DCP1B: variants seen among roughly 807,000 people sequenced by gnomAD.
DCP1B encodes the protein mRNA-decapping enzyme 1B.
A neutral mutation model predicts 60.5 loss-of-function variants in DCP1B; 47 were observed. The ratio of observed to expected loss-of-function variants is 0.78; its 90% confidence interval spans 0.61 to 0.99. The LOEUF is 0.99. DCP1B is among the 50% of genes least tolerant of loss of function. DCP1B has a pLI of 0.00. For synonymous variants in DCP1B, 267 were observed against 280.3 expected, an observed-to-expected ratio of 0.95 and a Z score of 0.47; for missense variants, 725 against 756.8, an observed-to-expected ratio of 0.96 and a Z score of 0.49.
intron 3 of DCP1B, among the ~76,000 whole-genome samples, chr12:1,980,079 C>G (rs982795282): frequency 6.6e-6 from 1 of 152,108 alleles, no homozygotes; most frequent in Non-Finnish European, 1.5e-5. Context: ...CTAAACAAAC[C>G]CATACACTAT....
At chr12:1,947,604 T>C (rs549900599) in intron 8 of DCP1B, among the ~76,000 whole-genome samples, 1 of 152,134 alleles carries the variant, frequency 6.6e-6, no homozygotes, top group Non-Finnish European at 1.5e-5. Context: ...CCAGAAAACA[T>C]ATGGATCTTT....
At chr12:1,955,135 G>C (rs1193825753) in intron 6 of DCP1B, among the ~76,000 whole-genome samples, 1 of 152,144 alleles carries the variant, frequency 6.6e-6, no homozygotes, top group Non-Finnish European at 1.5e-5. Context: ...GGGATTACAG[G>C]CTTGAGCCAC....
intron 7 of DCP1B, 54 bp downstream of exon 7, chr12:1,952,362 A>G: frequency 2.7e-6 from 4 of 1,456,482 alleles, no homozygotes; most frequent in Non-Finnish European, 3.6e-6. Context: ...TTTTAGGGAC[A>G]GGATCTTGCT....
chr12:1,992,067 G>T, intron 3 of DCP1B: 1 of 365,674 alleles, frequency 2.7e-6, no homozygotes, highest in South Asian at 2.7e-5. Context: ...GAGAAGGAAA[G>T]GGTCCTGGAG....
At chr12:1,997,076 G>A (rs1436895323) in intron 2 of DCP1B, among the ~76,000 whole-genome samples, 3 of 151,684 alleles carry the variant, frequency 2.0e-5, no homozygotes, top group African/African-American at 7.3e-5. Flanking sequence ...GTCTCTATAT[G>A]CACTCGTAAT....
intron 3 of DCP1B, among the ~76,000 whole-genome samples, chr12:1,972,348 T>C (rs1052342938): frequency 6.6e-6 from 1 of 152,258 alleles, no homozygotes; most frequent in African/African-American, 2.4e-5. Context: ...TCAAATATAA[T>C]GTTTCTTGAT....
chr12:1,955,492 G>A lies in DCP1B; in HGVS notation c.591C>T (p.Ile197=), dbSNP rs776465460. ...SSAIYDNPNL[I]KPIPVKPSEN... is the part of the protein sequence containing the mutation. ...CACTGGGTTTCACTGGAATTGGTTTGATGAGATTTGGATTGTCATAGATGG... is the reference window on the plus strand; with the variant it reads ...CACTGGGTTTCACTGGAATTGGTTTAATGAGATTTGGATTGTCATAGATGG... Residue 197 remains isoleucine (I), a synonymous_variant, in exon 6 of 9, where the codon ATC becomes ATT. Transcript: ENST00000280665. 1.9e-6 allele frequency: 3 copies of A among 1,613,940 alleles called. No homozygotes were observed. Among genetic ancestry groups the A allele is most frequent in the South Asian group, 1.1e-5 (1 of 91,070 alleles).
chr12:1,959,817 G>A (rs557854464), intron 5 of DCP1B, among the ~76,000 whole-genome samples: 2 of 152,072 alleles, frequency 1.3e-5, no homozygotes, highest in Non-Finnish European at 2.9e-5. Flanking sequence ...AAAATTATCC[G>A]GGCATGGTGG....
rs555646629 is a variant in DCP1B, at chr12:2,004,154, C to A, written c.150+128G>T. Reference sequence around the variant, plus strand: ...CCATCTCCACAACTTCGGCCTCAGTCCCCAGATCCACCCACTTCCAGGGCG... The same window carrying A: ...CCATCTCCACAACTTCGGCCTCAGTACCCAGATCCACCCACTTCCAGGGCG... On this transcript the variant is annotated intron_variant, in intron 1 of 8. Transcript: ENST00000280665. 4 of 1,395,166 alleles carry A rather than the reference C, an allele frequency of 2.9e-6. No homozygotes were observed. In the African/African-American group the frequency reaches 4.3e-5, roughly 15 times the overall value. 86.4% of individuals were successfully genotyped at this position (1,395,166 alleles called of 1,614,324 possible).
chr12:1,974,687 C>T lies in DCP1B; in HGVS notation c.320-6777G>A, dbSNP rs543114340. On this transcript the variant is annotated intron_variant, in intron 3 of 8. Coordinates refer to ENST00000280665, the MANE Select transcript of DCP1B (RefSeq NM_152640.5). ...ATCCAAGCTATTCATATTCTAGTCG[C>T]GTTTGATAATGGCAATCCCAAGCTT... 1.4e-4 allele frequency among the ~76,000 whole-genome samples: 22 copies of T among 152,178 alleles called. No homozygotes were observed. In the South Asian group the frequency reaches 2.7e-3, roughly 19 times the overall value.
At chr12:2,000,271 C>T (rs991923425) in intron 1 of DCP1B, among the ~76,000 whole-genome samples, 3 of 152,196 alleles carry the variant, frequency 2.0e-5, no homozygotes, top group African/African-American at 7.2e-5. Context: ...AGAACTAGGA[C>T]TTTGCAGAAC....
At chr12:1,956,690 C>T (rs1157295066) in intron 5 of DCP1B, among the ~76,000 whole-genome samples, 1 of 152,160 alleles carries the variant, frequency 6.6e-6, no homozygotes, top group African/African-American at 2.4e-5. Flanking sequence ...GAGGGTATGG[C>T]GGCATGGACC....
intron 2 of DCP1B, among the ~76,000 whole-genome samples, chr12:1,993,773 A>C (rs1376718346): frequency 6.6e-6 from 1 of 152,192 alleles, no homozygotes; most frequent in Non-Finnish European, 1.5e-5. Context: ...AAATTAATTA[A>C]AGATATTTTA....
intron 2 of DCP1B, among the ~76,000 whole-genome samples, chr12:1,996,496 T>C (rs1273042797): frequency 2.0e-5 from 3 of 151,728 alleles, no homozygotes; most frequent in African/African-American, 7.3e-5. Context: ...TGAGGCCCAA[T>C]TCAAGACACA....
chr12:1,952,391 T>C, intron 7 of DCP1B, 25 bp downstream of exon 7: 1 of 1,532,416 alleles, frequency 6.5e-7, no homozygotes. Context: ...CAGGCTGTTT[T>C]ATTTTGCCCC....
At chr12:1,981,162 A>G (rs2036010862) in intron 3 of DCP1B, among the ~76,000 whole-genome samples, 1 of 152,164 alleles carries the variant, frequency 6.6e-6, no homozygotes, top group African/African-American at 2.4e-5. Flanking sequence ...TTACCACTAC[A>G]CATATTAAAG....
At chr12:2,003,896 G>C (rs1367420349) in intron 1 of DCP1B, among the ~76,000 whole-genome samples, 1 of 152,012 alleles carries the variant, frequency 6.6e-6, no homozygotes, top group Non-Finnish European at 1.5e-5. Context: ...TTCGTCTGCT[G>C]TCCCTGCCTC....
intron 3 of DCP1B, among the ~76,000 whole-genome samples, chr12:1,972,295 T>G (rs980472562): frequency 6.6e-6 from 1 of 152,214 alleles, no homozygotes; most frequent in African/African-American, 2.4e-5. Context: ...ATGGAGAATA[T>G]CTAATCATAT....
At chr12:1,986,853 C>T (rs1030651575) in intron 3 of DCP1B, among the ~76,000 whole-genome samples, 14 of 152,032 alleles carry the variant, frequency 9.2e-5, no homozygotes, top group African/African-American at 3.1e-4. Context: ...TGTAATCTGC[C>T]CAGAACTTTT....
Sources: allele counts gnomAD v4.1 joint callset (sites outside exome capture counted in the v4.1 genomes callset), GRCh38; gene constraint gnomAD v4.1.1; transcripts MANE v1.5; gene names NCBI Gene and HGNC (gene_info 2026-07-23, HGNC 2026-07-21).